Variants in HDX observed in about 807,000 individuals in gnomAD.
HDX encodes the protein highly divergent homeobox.
Under a neutral mutation model 45.2 loss-of-function variants are expected in HDX, and 19 were observed. The ratio of observed to expected loss-of-function variants is 0.42; its 90% CI spans 0.29 to 0.62. HDX has a LOEUF of 0.62. Ranked by LOEUF, HDX falls within the 20% of genes least tolerant of loss-of-function variation. HDX has a pLI of 0.20. For missense variants in HDX, 532 were observed against 493.9 expected (o/e 1.08, Z -0.73); for synonymous variants, 188 against 172.8 (o/e 1.09, Z -0.69).
intron 5 of HDX, among the ~76,000 whole-genome samples, chrX:84,410,676 A>G (rs1030832747): frequency 1.8e-5 from 2 of 111,623 alleles, no homozygotes; most frequent in Non-Finnish European, 3.8e-5. Context: ...AAAACTAGCT[A>G]CATAGAATTA....
intron 5 of HDX, among the ~76,000 whole-genome samples, chrX:84,420,542 AAGT>A (rs1182668721): frequency 8.9e-6 from 1 of 112,197 alleles, no homozygotes; most frequent in Non-Finnish European, 1.9e-5. Context: ...CTTAAAGAGA[AAGT>A]AGAGAAAGAG....
intron 2 of HDX, among the ~76,000 whole-genome samples, chrX:84,478,788 G>T (rs1442840180): frequency 9.0e-6 from 1 of 110,873 alleles, no homozygotes; most frequent in Non-Finnish European, 1.9e-5. Flanking sequence ...GAACCCAGGA[G>T]TTCGAGGTTA....
intron 5 of HDX, among the ~76,000 whole-genome samples, chrX:84,370,294 A>G (rs1368885683): frequency 9.0e-6 from 1 of 111,500 alleles, no homozygotes; most frequent in Non-Finnish European, 1.9e-5. Context: ...TGAGACCAAT[A>G]CTACATATCA....
intron 5 of HDX, among the ~76,000 whole-genome samples, chrX:84,404,840 C>T (rs1183822652): frequency 9.0e-6 from 1 of 110,926 alleles, no homozygotes; most frequent in Non-Finnish European, 1.9e-5. Flanking sequence ...AGATTTTCCC[C>T]TTATGCAAAG....
chrX:84,356,179 A>T (rs1460877747), intron 6 of HDX, among the ~76,000 whole-genome samples: 1 of 111,921 alleles, frequency 8.9e-6, no homozygotes, highest in Non-Finnish European at 1.9e-5. Context: ...AGTAATTAGA[A>T]TGTATATTAG....
chrX:84,481,315 G>A (rs760619026), intron 2 of HDX, among the ~76,000 whole-genome samples: 9 of 110,623 alleles, frequency 8.1e-5, no homozygotes, highest in South Asian at 3.8e-4. Context: ...TTGTTTTTCC[G>A]TCTTCATTTT....
chrX:84,384,238 G>A (rs755623844), intron 5 of HDX, among the ~76,000 whole-genome samples: 4 of 110,860 alleles, frequency 3.6e-5, no homozygotes, highest in East Asian at 2.8e-4. Context: ...AATAACAGCC[G>A]TTCTGAGCTA....
At chrX:84,356,896 C>T (rs1191439161) in intron 6 of HDX, among the ~76,000 whole-genome samples, 1 of 110,940 alleles carries the variant, frequency 9.0e-6, no homozygotes, top group East Asian at 2.8e-4. Flanking sequence ...GCTGGGATTA[C>T]AGGCGTGAGC....
intron 6 of HDX, among the ~76,000 whole-genome samples, chrX:84,350,786 G>C (rs1364884411): frequency 9.0e-6 from 1 of 111,664 alleles, no homozygotes; most frequent in South Asian, 3.6e-4. Flanking sequence ...GCAAATTTCT[G>C]TATTTTAGTT....
chrX:84,498,100 C>T (rs1348272397), intron 1 of HDX, among the ~76,000 whole-genome samples: 1 of 111,448 alleles, frequency 9.0e-6, no homozygotes, highest in Non-Finnish European at 1.9e-5. Flanking sequence ...AACCCAAATG[C>T]ACATATGTCT....
intron 8 of HDX, among the ~76,000 whole-genome samples, 196 bp from the exon 9 acceptor site, chrX:84,334,038 T>A (rs940196857): frequency 1.1e-4 from 12 of 111,155 alleles, no homozygotes; most frequent in Non-Finnish European, 1.9e-4. Flanking sequence ...AACTGATGAC[T>A]GCTTGTTAAA....
intron 9 of HDX, among the ~76,000 whole-genome samples, chrX:84,333,241 G>C (rs1276356337): frequency 9.0e-6 from 1 of 110,836 alleles, no homozygotes; most frequent in Admixed American, 9.7e-5. Context: ...CCTGTCAAAG[G>C]CAGCTTTTCA....
At chrX:84,485,774 A>G (rs1478938519) in intron 2 of HDX, among the ~76,000 whole-genome samples, 3 of 111,490 alleles carry the variant, frequency 2.7e-5, no homozygotes, top group African/African-American at 9.8e-5. Flanking sequence ...TTTTTGGTAA[A>G]TTGACCCTTT....
chrX:84,385,784 A>C (rs2038304028), intron 5 of HDX, among the ~76,000 whole-genome samples: 1 of 108,168 alleles, frequency 9.2e-6, no homozygotes, highest in Non-Finnish European at 1.9e-5. Flanking sequence ...CTAAGTATAA[A>C]ATCATATCGT....
intron 4 of HDX, among the ~76,000 whole-genome samples, chrX:84,441,012 T>C (rs1004756534): frequency 1.8e-5 from 2 of 109,450 alleles, no homozygotes; most frequent in African/African-American, 6.6e-5. Flanking sequence ...CTGCAGAGAG[T>C]ACTGAACTCT....
At chrX:84,434,972 G>A (rs11798058) in intron 5 of HDX, among the ~76,000 whole-genome samples, 46,466 of 108,741 alleles carry the variant, frequency 0.43, 7,273 homozygotes, top group South Asian at 0.54. Flanking sequence ...GTTCATAGTA[G>A]TTTTAATGAT....
intron 6 of HDX, among the ~76,000 whole-genome samples, chrX:84,359,228 C>A (rs1040577204): frequency 3.9e-4 from 43 of 109,828 alleles, no homozygotes; most frequent in African/African-American, 1.4e-3. Context: ...TGTGCAGGAC[C>A]TGCAGGTTTG....
At chrX:84,490,651 A>T (rs2040875980) in intron 1 of HDX, among the ~76,000 whole-genome samples, 2 of 110,407 alleles carry the variant, frequency 1.8e-5, no homozygotes, top group African/African-American at 3.3e-5. Flanking sequence ...TCTGCTAGGG[A>T]TGTATTTTAT....
intron 6 of HDX, among the ~76,000 whole-genome samples, chrX:84,348,897 G>A (rs1323514100): frequency 4.5e-5 from 5 of 111,827 alleles, no homozygotes; most frequent in Admixed American, 2.8e-4. Context: ...TTAACAGAAC[G>A]TTCTAATGTT....
Sources: allele counts gnomAD v4.1 joint callset (sites outside exome capture counted in the v4.1 genomes callset), GRCh38; gene constraint gnomAD v4.1.1; transcripts MANE v1.5; gene names NCBI Gene and HGNC (gene_info 2026-07-23, HGNC 2026-07-21).